The following CORO7 variants were observed in gnomAD, a reference collection of about 807,000 sequenced individuals.
CORO7 encodes coronin-7.
In CORO7, 107 loss-of-function variants were observed where a neutral mutation model predicts 126.6. The observed-to-expected ratio is 0.85, with a 90% CI of 0.72 to 0.99. CORO7 has a LOEUF of 0.99. CORO7 is among the 50% of genes least tolerant of loss of function. The probability of loss-of-function intolerance (pLI) is 0.00; values close to 1 mark genes in which losing one functional copy is unlikely to be tolerated. For synonymous variants in CORO7, 603 were observed against 536.8 expected, an observed-to-expected ratio of 1.12 and a Z score of -1.70; for missense variants, 1,314 against 1,255.8, an observed-to-expected ratio of 1.05 and a Z score of -0.70.
intron 21 of CORO7, 50 bp from the exon 22 acceptor site, chr16:4,359,671 C>A: frequency 6.5e-7 from 1 of 1,545,082 alleles, no homozygotes; most frequent in Non-Finnish European, 8.7e-7. Context: ...CTGAAGGGGC[C>A]TGGGGCAGGG....
At chr16:4,375,555 T>C (rs1005612131) in intron 9 of CORO7, among the ~76,000 whole-genome samples, 2 of 152,238 alleles carry the variant, frequency 1.3e-5, no homozygotes, top group African/African-American at 4.8e-5. Flanking sequence ...TGGCGCAATA[T>C]TGGCTCACTG....
chr16:4,371,775 G>A (rs2054533150), intron 9 of CORO7: 1 of 152,174 alleles, frequency 6.6e-6, no homozygotes, highest in African/African-American at 2.4e-5. Flanking sequence ...CGGCCAATGG[G>A]GAGAGGCCCC....
Position 4,365,075 on chromosome 16 carries a change from AACTGAGCCCC to A in CORO7, c.841-25_841-16del. 6.3e-7 allele frequency: 1 copy of A among 1,590,206 alleles called. No individual in the cohort carries two copies. The highest frequency in any genetic ancestry group is 8.6e-7 in the Non-Finnish European group (1 of 1,168,378). ...TGCCTCTCGCCCTGAAATGAGTCTG[AACTGAGCCCC>A]GTTTGCTGACTGAACCCCTGGGGAG... On this transcript the variant is annotated splice_polypyrimidine_tract_variant and intron_variant, in intron 10 of 27. Coordinates refer to ENST00000251166, the MANE Select transcript of CORO7 (RefSeq NM_024535.5).
At chr16:4,395,587 T>G (rs527370779) in intron 6 of CORO7, among the ~76,000 whole-genome samples, 1 of 152,018 alleles carries the variant, frequency 6.6e-6, no homozygotes, top group Non-Finnish European at 1.5e-5. Context: ...CAGTGAGGAG[T>G]GTTCAGCTTC....
rs768662556 is a variant in CORO7 at position 4,382,286 on chromosome 16, C to T, written c.785+5700G>A. 2.4e-5 allele frequency: 39 copies of T among 1,609,412 alleles called. No homozygotes were observed. Among genetic ancestry groups the T allele is most frequent in the East Asian group, 6.7e-5 (3 of 44,724 alleles). ...CGGTCCCTGACCCTGGGCATCGAGC[C>T]GGTGAGCCCCACCTCCCTGCGCGTG... On this transcript the variant is annotated intron_variant, in intron 9 of 27. Transcript: ENST00000251166.
At chr16:4,397,770 C>T (rs11076828) in intron 6 of CORO7, among the ~76,000 whole-genome samples, 89,097 of 151,526 alleles carry the variant, frequency 0.59, 28,049 homozygotes, top group East Asian at 0.77. Flanking sequence ...CACGCCACCA[C>T]GCCAGGCTAA....
chr16:4,361,525 C>A, intron 16 of CORO7, 56 bp from the exon 17 acceptor site: 8 of 1,585,526 alleles, frequency 5.0e-6, no homozygotes, highest in Non-Finnish European at 6.9e-6. Flanking sequence ...AAAGCCAGTC[C>A]CCAGGGGCTG....
rs868070989 is a variant in CORO7, at chr16:4,382,914, G to A, written c.785+5072C>T. The A allele has an allele frequency of 2.3e-5, 34 of 1,482,238 alleles. 1 individual carries two copies. In the Middle Eastern group the frequency reaches 5.4e-3, roughly 237 times the overall value. 91.8% of individuals were successfully genotyped at this position (1,482,238 alleles called of 1,614,324 possible). ...CCTACATCTAAGCCAGAGAGAGACAGGGCAGCTGGGGCCGGGCTCTCAGCC... is the reference window on the plus strand; with the variant it reads ...CCTACATCTAAGCCAGAGAGAGACAAGGCAGCTGGGGCCGGGCTCTCAGCC... On this transcript the variant is annotated intron_variant, in intron 9 of 27. Coordinates refer to ENST00000251166, the MANE Select transcript of CORO7 (RefSeq NM_024535.5).
At chr16:4,413,156 T>C in intron 2 of CORO7, 152 bp downstream of exon 2, 1 of 735,466 alleles carries the variant, frequency 1.4e-6, no homozygotes, top group Non-Finnish European at 2.2e-6. Context: ...TGTGGGGGTC[T>C]AAGGTCTGGC....
intron 3 of CORO7, 99 bp from the exon 4 acceptor site, chr16:4,408,350 C>A: frequency 6.5e-7 from 1 of 1,531,146 alleles, no homozygotes; most frequent in Non-Finnish European, 9.0e-7. Context: ...TGTGTGCACA[C>A]AGAAACAGGC....
At position 4,360,482 on chromosome 16, in the gene CORO7, G is replaced by A. The variant is rs770732865; in HGVS notation, c.1984C>T (p.Arg662Trp). 64 of 1,611,998 alleles carry A rather than the reference G, an allele frequency of 4.0e-5. No individual in the cohort carries two copies. Among genetic ancestry groups the A allele is most frequent in the South Asian group, 6.6e-5 (6 of 90,960 alleles). ...GGGCCACTCCGGGGCCTGTAGACCC[G>A]CACACGCCCATCCTTGCAGACAGTG... ...LATVCKDGRV[R>W]VYRPRSGPEP... The change falls in exon 20 of 28, where the codon CGG becomes TGG. Residue 662 changes from arginine to tryptophan, a missense_variant. Physicochemically the swap from Arg to Trp is moderately radical, Grantham distance 101. Transcript: ENST00000251166.
rs763892002 is a variant in CORO7 at position 4,364,765 on chromosome 16, T to TC, written c.1044+9dup. 7.5e-6 allele frequency: 12 copies of TC among 1,608,200 alleles called. No individual in the cohort carries two copies. The African/African-American group carries it at 1.6e-4, about 22-fold the overall frequency. On this transcript the variant is annotated intron_variant, in intron 12 of 27. Coordinates refer to ENST00000251166, the MANE Select transcript of CORO7 (RefSeq NM_024535.5). ...CAGCCCCCGCAGTCCCTCGCCCAAG[T>TC]CCCCCTCACCTTGCGGGGCACATGG...
At chr16:4,389,486 G>T (rs1186034026) in intron 7 of CORO7, among the ~76,000 whole-genome samples, 1 of 152,226 alleles carries the variant, frequency 6.6e-6, no homozygotes, top group Non-Finnish European at 1.5e-5. Context: ...CCTTGGGAAT[G>T]AATGAGGGAG....
At position 4,362,975 on chromosome 16, in the gene CORO7, G is replaced by A. The variant is rs2054231925; in HGVS notation, c.1276-237C>T. The A allele has an allele frequency of 4.9e-6, 2 of 405,240 alleles. No homozygotes were observed. Among genetic ancestry groups the A allele is most frequent in the African/African-American group, 4.1e-5 (2 of 48,672 alleles). 25.1% of individuals were successfully genotyped at this position (405,240 alleles called of 1,614,324 possible). A position where few individuals can be genotyped will look rare whatever the true frequency, so the allele number is the denominator to read the frequency against. ...CAGCTGCTGGCTCCCAGCCCTGCAG[G>A]AGGGTGTGCCCAGTGGGTTAGATCT... On this transcript the variant is annotated intron_variant, in intron 14 of 27. Coordinates refer to ENST00000251166, the MANE Select transcript of CORO7 (RefSeq NM_024535.5). The surrounding 1 kb of genome is among the most constrained non-coding windows in gnomAD (Gnocchi z 5.3).
At chr16:4,401,908 T>C (rs1424589714) in intron 6 of CORO7, among the ~76,000 whole-genome samples, 5 of 147,662 alleles carry the variant, frequency 3.4e-5, no homozygotes. Flanking sequence ...GTTTCTTTTT[T>C]TCCTTTTTTT....
intron 6 of CORO7, among the ~76,000 whole-genome samples, chr16:4,398,860 G>A (rs1389191811): frequency 6.6e-6 from 1 of 151,736 alleles, no homozygotes; most frequent in African/African-American, 2.4e-5. Flanking sequence ...CCCAGCTACT[G>A]GGGAGGCTGA....
chr16:4,362,953 C>CCACT lies in CORO7; in HGVS notation c.1276-216_1276-215insAGTG. 1 of 451,318 alleles carries CCACT rather than the reference C, an allele frequency of 2.2e-6. No individual in the cohort carries two copies. Among genetic ancestry groups the CCACT allele is most frequent in the Non-Finnish European group, 3.6e-6 (1 of 274,758 alleles). 28.0% of individuals were successfully genotyped at this position (451,318 alleles called of 1,614,324 possible). A position where few individuals can be genotyped will look rare whatever the true frequency, so the allele number is the denominator to read the frequency against. ...AGACCGCGGGGACAGCAAGTGGCAG[C>CCACT]TGCTGGCTCCCAGCCCTGCAGGAGG... is the stretch of plus-strand genomic sequence containing the variant. On this transcript the variant is annotated intron_variant, in intron 14 of 27. Transcript: ENST00000251166. The surrounding 1 kb of genome is among the most constrained non-coding windows in gnomAD (Gnocchi z 5.3).
intron 9 of CORO7, chr16:4,381,415 A>T: frequency 2.5e-6 from 4 of 1,584,626 alleles, no homozygotes; most frequent in Non-Finnish European, 3.4e-6. Flanking sequence ...CAGCCACAAC[A>T]GCCTCCTGGC....
chr16:4,357,427 G>A, intron 25 of CORO7, 168 bp from the exon 26 acceptor site: 2 of 683,880 alleles, frequency 2.9e-6, no homozygotes, highest in Non-Finnish European at 4.6e-6. Context: ...ATGTGACCTA[G>A]GCTGACTGCA....
Sources: gnomAD v4.1 joint callset for allele counts (sites outside exome capture counted in the v4.1 genomes callset) on GRCh38, gnomAD v4.1.1 for gene constraint, Gnocchi (gnomAD v3.1) non-coding constraint, MANE v1.5 for transcripts, NCBI Gene and HGNC (gene_info 2026-07-23, HGNC 2026-07-21) for gene names.